CNTN4: variants seen among roughly 807,000 people sequenced by gnomAD.
The protein encoded by CNTN4 is contactin 4, also known as contactin-4.
A neutral mutation model predicts 122.5 loss-of-function variants in CNTN4; 77 were observed. That is an observed-to-expected ratio of 0.63 (90% CI 0.52 to 0.76). The LOEUF (loss-of-function observed/expected upper bound fraction) is 0.76, where lower values mean the gene tolerates loss of function less well. CNTN4 is among the 30% of genes least tolerant of loss of function. The pLI, the probability that CNTN4 is intolerant of heterozygous loss-of-function variation, is 0.00. For synonymous variants in CNTN4, 512 were observed against 447.0 expected, an observed-to-expected ratio of 1.15 and a Z score of -1.83; for missense variants, 1,256 against 1,259.1, an observed-to-expected ratio of 1.00 and a Z score of 0.04.
chr3:2,605,200 C>CT (rs1209590452), intron 4 of CNTN4, among the ~76,000 whole-genome samples: 1 of 152,148 alleles, frequency 6.6e-6, no homozygotes, highest in African/African-American at 2.4e-5. Context: ...CAAGTTCTTG[C>CT]TATGTTGACA....
chr3:3,009,449 T>TC (rs1260715567), intron 14 of CNTN4, among the ~76,000 whole-genome samples: 1 of 152,050 alleles, frequency 6.6e-6, no homozygotes, highest in Non-Finnish European at 1.5e-5. Context: ...TTCTTTTTTT[T>TC]TTGAGATGGA....
intron 2 of CNTN4, among the ~76,000 whole-genome samples, chr3:2,115,253 T>C (rs576896562): frequency 4.2e-4 from 64 of 152,346 alleles, no homozygotes; most frequent in African/African-American, 1.5e-3. Context: ...TTTTACTGTG[T>C]CAGTGTCCTG....
chr3:2,704,504 A>G (rs1478965050), intron 4 of CNTN4, among the ~76,000 whole-genome samples: 1 of 152,142 alleles, frequency 6.6e-6, no homozygotes, highest in African/African-American at 2.4e-5. Context: ...TAAGAGAAAG[A>G]GGACAAAACA....
At chr3:2,145,487 G>C (rs996552500) in intron 2 of CNTN4, among the ~76,000 whole-genome samples, 2 of 152,186 alleles carry the variant, frequency 1.3e-5, no homozygotes, top group African/African-American at 2.4e-5. Context: ...ACATAATAGT[G>C]TGGCAAGGTG....
At chr3:2,165,910 C>A (rs924248303) in intron 2 of CNTN4, among the ~76,000 whole-genome samples, 5 of 151,912 alleles carry the variant, frequency 3.3e-5, no homozygotes, top group African/African-American at 1.2e-4. Flanking sequence ...TATTATATTA[C>A]TATTAATATT....
At chr3:2,784,030 C>G (rs2149892001) in intron 6 of CNTN4, among the ~76,000 whole-genome samples, 1 of 152,238 alleles carries the variant, frequency 6.6e-6, no homozygotes, top group South Asian at 2.1e-4. Flanking sequence ...ATAGACTATT[C>G]TTTTATGATT....
intron 6 of CNTN4, among the ~76,000 whole-genome samples, chr3:2,777,034 G>A (rs975380900): frequency 3.3e-5 from 5 of 151,920 alleles, no homozygotes; most frequent in Admixed American, 6.6e-5. Flanking sequence ...AGGCTGGAGC[G>A]CAGTGGCTCA....
chr3:2,370,544 A>G (rs1559494179), intron 3 of CNTN4, among the ~76,000 whole-genome samples: 1 of 152,188 alleles, frequency 6.6e-6, no homozygotes, highest in African/African-American at 2.4e-5. Flanking sequence ...TGATCTGACA[A>G]CATTGGAATG....
chr3:2,137,639 A>G (rs1294137163), intron 2 of CNTN4, among the ~76,000 whole-genome samples: 4 of 152,298 alleles, frequency 2.6e-5, no homozygotes, highest in Non-Finnish European at 5.9e-5. Context: ...AAAAGATTGC[A>G]TTTTGGGAGC....
rs570558262 is a variant in CNTN4 at position 2,909,734 on chromosome 3, C to T, written c.1207+6729C>T. ...TAAAATATTGATTATCAGGCTTTAT[C>T]GTGCATCACAGTAATCTAGAGGACA... is the stretch of plus-strand genomic sequence containing the variant. On this transcript the variant is annotated intron_variant, in intron 12 of 24. Coordinates refer to ENST00000418658, the MANE Select transcript of CNTN4 (RefSeq NM_175607.3). Among the ~76,000 whole-genome samples, 5 of 152,270 alleles carry T rather than the reference C, an allele frequency of 3.3e-5. No homozygotes were observed. The East Asian group carries it at 5.8e-4, about 18-fold the overall frequency.
At chr3:2,538,678 T>A (rs2077909580) in intron 3 of CNTN4, among the ~76,000 whole-genome samples, 1 of 151,960 alleles carries the variant, frequency 6.6e-6, no homozygotes. Flanking sequence ...TATACTTATA[T>A]TTCATGTTAT....
chr3:2,958,978 C>T (rs964208023), intron 13 of CNTN4, among the ~76,000 whole-genome samples: 10 of 152,148 alleles, frequency 6.6e-5, no homozygotes, highest in African/African-American at 2.2e-4. Flanking sequence ...CTCCAGGGAA[C>T]AGAAGGGTCA....
intron 4 of CNTN4, among the ~76,000 whole-genome samples, chr3:2,649,746 T>C (rs576827826): frequency 6.6e-6 from 1 of 152,192 alleles, no homozygotes; most frequent in Non-Finnish European, 1.5e-5. Context: ...TATAAGGTTA[T>C]AGCTGCCATA....
chr3:2,677,129 T>TAGA (rs2084893455), intron 4 of CNTN4, among the ~76,000 whole-genome samples: 1 of 143,202 alleles, frequency 7.0e-6, no homozygotes, highest in East Asian at 2.1e-4. Context: ...GATCACTCTT[T>TAGA]TAGATAGATA....
intron 4 of CNTN4, among the ~76,000 whole-genome samples, chr3:2,608,979 T>A (rs974213284): frequency 1.3e-5 from 2 of 152,238 alleles, no homozygotes; most frequent in African/African-American, 4.8e-5. Context: ...TTTCATCTTC[T>A]CTGGAGAAAG....
At chr3:2,312,906 G>A (rs537024203) in intron 2 of CNTN4, among the ~76,000 whole-genome samples, 2 of 151,878 alleles carry the variant, frequency 1.3e-5, no homozygotes, top group African/African-American at 4.8e-5. Flanking sequence ...GAAAACTGGA[G>A]TTATATGTTA....
At chr3:2,942,078 G>T (rs1004595596) in intron 13 of CNTN4, among the ~76,000 whole-genome samples, 19 of 152,146 alleles carry the variant, frequency 1.2e-4, no homozygotes, top group African/African-American at 4.6e-4. Flanking sequence ...GTGAGGACAG[G>T]ATCTACCTGG....
chr3:2,118,963 T>A (rs746706379), intron 2 of CNTN4, among the ~76,000 whole-genome samples: 5 of 152,230 alleles, frequency 3.3e-5, no homozygotes, highest in Admixed American at 1.3e-4. Context: ...AATGGTTAAT[T>A]TTATATGTCA....
chr3:2,833,254 G>A (rs1380164398), intron 7 of CNTN4, among the ~76,000 whole-genome samples: 1 of 152,208 alleles, frequency 6.6e-6, no homozygotes, highest in Non-Finnish European at 1.5e-5. Flanking sequence ...TTTGAAGGGA[G>A]CTGGCAATGA....
Sources: gnomAD v4.1 joint callset for allele counts (sites outside exome capture counted in the v4.1 genomes callset) on GRCh38, gnomAD v4.1.1 for gene constraint, MANE v1.5 for transcripts, NCBI Gene and HGNC (gene_info 2026-07-23, HGNC 2026-07-21) for gene names.